Variants in ASPH observed in about 807,000 individuals in gnomAD.
ASPH encodes the protein aspartyl/asparaginyl beta-hydroxylase.
ASPH carries 100 observed loss-of-function variants against 118.4 expected under a neutral mutation model. The ratio of observed to expected loss-of-function variants is 0.84; its 90% CI spans 0.72 to 1.00. The LOEUF is 1.00. ASPH is among the 50% of genes least tolerant of loss of function. ASPH has a pLI of 0.00. For missense variants in ASPH, 920 were observed against 919.5 expected (o/e 1.00, Z -0.01); for synonymous variants, 315 against 325.6 (o/e 0.97, Z 0.35).
At chr8:61,585,786 T>C (rs1368441211) in intron 14 of ASPH, among the ~76,000 whole-genome samples, 1 of 152,106 alleles carries the variant, frequency 6.6e-6, no homozygotes. Flanking sequence ...GAGGGAAGGC[T>C]GTGTGGTTAA....
chr8:61,643,393 A>G lies in ASPH; in HGVS notation c.750T>C (p.His250=). Residue 250 remains histidine, a synonymous_variant, in exon 9 of 25, where the codon CAT becomes CAC. Coordinates refer to ENST00000379454, the MANE Select transcript of ASPH (RefSeq NM_004318.4). ...EPVVEDERLH[H]DTDDVTYQVY... is the part of the protein sequence containing the mutation. ...AAAATGCTCATCTAATACCTGTATC[A>G]TGGTGCAATCTTTCATCTTCTACTA... 1 of 1,606,124 alleles carries G rather than the reference A, an allele frequency of 6.2e-7. No homozygotes were observed. Among genetic ancestry groups the G allele is most frequent in the East Asian group, 2.2e-5 (1 of 44,756 alleles).
At chr8:61,540,988 G>A (rs1033223919) in intron 21 of ASPH, among the ~76,000 whole-genome samples, 1 of 151,966 alleles carries the variant, frequency 6.6e-6, no homozygotes, top group East Asian at 1.9e-4. Flanking sequence ...GGCCGGGCAC[G>A]GTGGCTCACA....
intron 14 of ASPH, chr8:61,607,468 T>A (rs1342046850): frequency 1.8e-6 from 1 of 569,964 alleles, no homozygotes; most frequent in African/African-American, 1.9e-5. Flanking sequence ...TATTTATAAT[T>A]TGAAATGAGT....
intron 21 of ASPH, among the ~76,000 whole-genome samples, chr8:61,535,811 A>G (rs1040225049): frequency 2.0e-5 from 3 of 152,206 alleles, no homozygotes; most frequent in Non-Finnish European, 2.9e-5. Flanking sequence ...CCTTAGAAAC[A>G]ACATCCCAGG....
Position 61,579,538 on chromosome 8 carries a change from G to A in ASPH, c.1063-2680C>T. 2.6e-6 allele frequency: 4 copies of A among 1,547,680 alleles called. No homozygotes were observed. In the South Asian group the frequency reaches 4.4e-5, roughly 17 times the overall value. The stretch of plus-strand genomic sequence containing the variant: ...AGCCCCGGCCTCAGCTACGGCCTGG[G>A]CTCCAGCTTTGGCTCTGGCGCAGGC... On this transcript the variant is annotated intron_variant, in intron 15 of 24. Transcript: ENST00000379454.
intron 14 of ASPH, among the ~76,000 whole-genome samples, chr8:61,617,478 G>C (rs1849434810): frequency 6.6e-6 from 1 of 152,150 alleles, no homozygotes; most frequent in Non-Finnish European, 1.5e-5. Context: ...AAATATATCG[G>C]AAGATCCAGG....
intron 1 of ASPH, among the ~76,000 whole-genome samples, chr8:61,702,939 AG>A (rs1270730471): frequency 6.6e-6 from 1 of 152,182 alleles, no homozygotes; most frequent in Admixed American, 6.5e-5. Context: ...AAGGAGAAGC[AG>A]GGGGAGAGGA....
chr8:61,536,328 C>T (rs906475959), intron 21 of ASPH, among the ~76,000 whole-genome samples: 47 of 152,202 alleles, frequency 3.1e-4, no homozygotes, highest in Middle Eastern at 3.4e-3. Flanking sequence ...CGTGAGCCAC[C>T]GCACCCAACC....
rs1216860502 is a variant in ASPH, at chr8:61,501,542, GTGACATGAATGT to G, written c.*1805_*1816del. The G allele has an allele frequency of 6.6e-6, 1 of 152,150 alleles. No homozygotes were observed. The highest frequency in any genetic ancestry group is 1.5e-5 in the Non-Finnish European group (1 of 68,016). 9.4% of individuals were successfully genotyped at this position (152,150 alleles called of 1,614,324 possible). ...TACATATGAGAACCAAATTCAACAA[GTGACATGAATGT>G]TACTACATGAACATTGAATTGTATT... On this transcript the variant is annotated 3_prime_UTR_variant, in exon 25 of 25. Transcript: ENST00000379454.
intron 14 of ASPH, among the ~76,000 whole-genome samples, chr8:61,598,622 T>A (rs1249326466): frequency 1.3e-5 from 2 of 152,230 alleles, no homozygotes; most frequent in Non-Finnish European, 2.9e-5. Flanking sequence ...GGATTTAAAC[T>A]GCACTTTTAG....
intron 5 of ASPH, among the ~76,000 whole-genome samples, chr8:61,648,991 A>G (rs1809512536): frequency 6.6e-6 from 1 of 152,206 alleles, no homozygotes; most frequent in South Asian, 2.1e-4. Flanking sequence ...ATTACAAGGA[A>G]AAGAGAGGTC....
In ASPH at chr8:61,705,898, T is replaced by C. The variant is rs182547595; in HGVS notation, c.103+8371A>G. Among the ~76,000 whole-genome samples, 10 of 152,336 alleles carry C rather than the reference T, an allele frequency of 6.6e-5. No individual in the cohort carries two copies. The South Asian group carries it at 1.4e-3, about 22-fold the overall frequency. On this transcript the variant is annotated intron_variant, in intron 1 of 24. Coordinates refer to ENST00000379454, the MANE Select transcript of ASPH (RefSeq NM_004318.4). ...GGCATGAAAGAATAAGATTGACTAA[T>C]AGACATGACAAAGCAAATCTATCAA... is the stretch of plus-strand genomic sequence containing the variant.
intron 12 of ASPH, among the ~76,000 whole-genome samples, chr8:61,637,479 T>C (rs1240737907): frequency 6.6e-6 from 1 of 152,312 alleles, no homozygotes; most frequent in African/African-American, 2.4e-5. Flanking sequence ...CGCCACTGTT[T>C]AATACATGCA....
At chr8:61,667,611 C>G (rs751623598) in intron 3 of ASPH, among the ~76,000 whole-genome samples, 1 of 152,160 alleles carries the variant, frequency 6.6e-6, no homozygotes, top group Non-Finnish European at 1.5e-5. Context: ...GTGATCCACC[C>G]GCCTCAGCTT....
chr8:61,689,313 T>C (rs1315453587), intron 1 of ASPH, among the ~76,000 whole-genome samples: 1 of 152,088 alleles, frequency 6.6e-6, no homozygotes, highest in South Asian at 2.1e-4. Context: ...ATATCTCCTA[T>C]AATTTTATAT....
chr8:61,596,511 G>C (rs1022226398), intron 14 of ASPH, among the ~76,000 whole-genome samples: 1 of 152,152 alleles, frequency 6.6e-6, no homozygotes, highest in East Asian at 1.9e-4. Flanking sequence ...ACTGCCTAGG[G>C]GCCCACAGAC....
At chr8:61,518,976 T>C (rs890845903) in intron 22 of ASPH, among the ~76,000 whole-genome samples, 1 of 152,232 alleles carries the variant, frequency 6.6e-6, no homozygotes, top group Non-Finnish European at 1.5e-5. Context: ...AGAGAGGAAC[T>C]GCTCACATGG....
chr8:61,602,669 G>A (rs1369459711), intron 14 of ASPH, among the ~76,000 whole-genome samples: 5 of 151,146 alleles, frequency 3.3e-5, no homozygotes, highest in Non-Finnish European at 7.3e-5. Flanking sequence ...GGTTGGGGAG[G>A]GGCACAGAGG....
chr8:61,539,705 T>TGTGTGTGTGTGTGTGG lies in ASPH; in HGVS notation c.1764+8365_1764+8366insCCACACACACACACAC, dbSNP rs1329509943. The stretch of plus-strand genomic sequence containing the variant: ...GGTCACCTAACACTTCTGGGGTGTG[T>TGTGTGTGTGTGTGTGG]GTGTGTGTGTGTGTGTGTGTGTGTG... On this transcript the variant is annotated intron_variant, in intron 21 of 24. Coordinates refer to ENST00000379454, the MANE Select transcript of ASPH (RefSeq NM_004318.4). Among the ~76,000 whole-genome samples the TGTGTGTGTGTGTGTGG allele has an allele frequency of 2.8e-4, 18 of 64,890 alleles. 1 individual carries two copies. Among genetic ancestry groups the TGTGTGTGTGTGTGTGG allele is most frequent in the Non-Finnish European group, 5.0e-4 (18 of 35,674 alleles). The allele number at this position is 64,890 out of a possible 152,430, so 42.6% of individuals were successfully genotyped here.
Sources: gnomAD v4.1 joint callset for allele counts (sites outside exome capture counted in the v4.1 genomes callset) on GRCh38, gnomAD v4.1.1 for gene constraint, MANE v1.5 for transcripts, NCBI Gene and HGNC (gene_info 2026-07-23, HGNC 2026-07-21) for gene names.